Variants in SKA2 observed in about 807,000 individuals in gnomAD.
SKA2 encodes the protein spindle and kinetochore-associated protein 2.
SKA2 carries 13 observed loss-of-function variants against 16.9 expected under a neutral mutation model. The ratio of observed to expected loss-of-function variants is 0.77; its 90% confidence interval spans 0.50 to 1.22. The LOEUF is 1.22. Ranked by LOEUF, SKA2 falls within the 50% of genes most tolerant of loss-of-function variation. SKA2 has a pLI of 0.00. For synonymous variants in SKA2, 47 were observed against 48.5 expected (o/e 0.97, Z 0.13); for missense variants, 107 against 139.7 (o/e 0.77, Z 1.18).
Position 59,155,164 on chromosome 17 carries a change from G to T in SKA2, c.-1C>A. On this transcript the variant is annotated 5_prime_UTR_variant, in exon 1 of 4. Transcript: ENST00000330137. ...CCAGCTTATCGACCTCCGCCTCCATGTTGAATAGTTGACATTCCGCAGACC... is the reference window on the plus strand; with the variant it reads ...CCAGCTTATCGACCTCCGCCTCCATTTTGAATAGTTGACATTCCGCAGACC... 1.9e-6 allele frequency: 3 copies of T among 1,614,010 alleles called. No individual in the cohort carries two copies. The highest frequency in any genetic ancestry group is 2.5e-6 in the Non-Finnish European group (3 of 1,179,900).
At chr17:59,128,763 A>G (rs11654986) in intron 2 of SKA2, among the ~76,000 whole-genome samples, 96,997 of 152,032 alleles carry the variant, frequency 0.64, 31,686 homozygotes, top group African/African-American at 0.77. Flanking sequence ...GGGAGCTTGC[A>G]GGATAGCAGG....
chr17:59,151,204 A>G (rs759528408), intron 1 of SKA2: 2 of 510,866 alleles, frequency 3.9e-6, no homozygotes, highest in Non-Finnish European at 8.2e-6. Flanking sequence ...CAATAAAGTC[A>G]GAGCATTCGT....
At chr17:59,115,357 C>T (rs2046289481) in intron 3 of SKA2, among the ~76,000 whole-genome samples, 1 of 152,046 alleles carries the variant, frequency 6.6e-6, no homozygotes, top group South Asian at 2.1e-4. Context: ...CATGCCCAGT[C>T]TAAATTTAAA....
intron 1 of SKA2, among the ~76,000 whole-genome samples, chr17:59,149,315 C>T (rs927779740): frequency 1.3e-5 from 2 of 152,078 alleles, no homozygotes; most frequent in Non-Finnish European, 2.9e-5. Context: ...AGAGAACCAG[C>T]CTGGCAACAT....
rs146783645 is a variant in SKA2 at position 59,135,505 on chromosome 17, G to A, written c.34-4138C>T. On this transcript the variant is annotated intron_variant, in intron 1 of 3. Transcript: ENST00000330137. The stretch of plus-strand genomic sequence containing the variant: ...TAATTTTTACTCATTTTAGTAAAAT[G>A]GGATTTCACCATGTTGCCCAGGCTG... Among the ~76,000 whole-genome samples the A allele has an allele frequency of 3.5e-3, 525 of 151,438 alleles. 6 individuals are homozygous for A. The highest frequency in any genetic ancestry group is 0.012 in the African/African-American group (513 of 41,408).
Position 59,111,196 on chromosome 17 carries a change from A to G in SKA2, c.*1081T>C, listed in dbSNP as rs2147789007. 1 of 152,264 alleles carries G rather than the reference A, an allele frequency of 6.6e-6. No individual in the cohort carries two copies. The highest frequency in any genetic ancestry group is 2.4e-5 in the African/African-American group (1 of 41,546). 9.4% of individuals were successfully genotyped at this position (152,264 alleles called of 1,614,324 possible). A position where few individuals can be genotyped will look rare whatever the true frequency, so the allele number is the denominator to read the frequency against. On this transcript the variant is annotated 3_prime_UTR_variant, in exon 4 of 4. Transcript: ENST00000330137. ...ATCTCAGATATGACTCCAAAGCCCA[A>G]TCTTCACTACAAAACTGCAATACCT...
intron 2 of SKA2, among the ~76,000 whole-genome samples, chr17:59,126,334 T>C (rs2046372610): frequency 6.6e-6 from 1 of 152,182 alleles, no homozygotes; most frequent in South Asian, 2.1e-4. Context: ...GCAGAATTAC[T>C]GACTGCCTCC....
Position 59,112,115 on chromosome 17 carries a change from C to T in SKA2, c.*162G>A, listed in dbSNP as rs571717267. The T allele has an allele frequency of 3.3e-6, 2 of 604,332 alleles. 1 individual carries two copies. The highest frequency in any genetic ancestry group is 4.4e-5 in the South Asian group (2 of 45,580). 37.4% of individuals were successfully genotyped at this position (604,332 alleles called of 1,614,324 possible). ...TATTCATATATTATCTGCCCTTCTT[C>T]TTATAATCTCTCTCATGAAAGATAT... On this transcript the variant is annotated 3_prime_UTR_variant, in exon 4 of 4. Transcript: ENST00000330137.
intron 2 of SKA2, among the ~76,000 whole-genome samples, chr17:59,130,796 A>G (rs751825174): frequency 6.6e-6 from 1 of 152,216 alleles, no homozygotes; most frequent in Non-Finnish European, 1.5e-5. Context: ...TAATGATTTT[A>G]TGACATAAAG....
At chr17:59,117,526 C>T (rs1385701147) in intron 3 of SKA2, among the ~76,000 whole-genome samples, 1 of 152,066 alleles carries the variant, frequency 6.6e-6, no homozygotes, top group African/African-American at 2.4e-5. Context: ...ATAGTTGGAA[C>T]TACCAGCATG....
At chr17:59,126,761 C>T (rs1227122341) in intron 2 of SKA2, among the ~76,000 whole-genome samples, 2 of 152,200 alleles carry the variant, frequency 1.3e-5, no homozygotes, top group African/African-American at 4.8e-5. Flanking sequence ...AATTGCACTT[C>T]TGGGTATAAA....
chr17:59,122,915 G>A (rs924145852), intron 2 of SKA2, among the ~76,000 whole-genome samples: 22 of 150,050 alleles, frequency 1.5e-4, no homozygotes, highest in Admixed American at 1.4e-3. Context: ...GAACCACTGC[G>A]CCCAACCTTT....
chr17:59,119,205 A>C (rs1333204012), intron 3 of SKA2, 114 bp downstream of exon 3: 1 of 1,150,812 alleles, frequency 8.7e-7, no homozygotes, highest in East Asian at 2.6e-5. Context: ...AAAATCTTTC[A>C]ATAGTTCAAA....
At chr17:59,114,658 GAA>G (rs772087280) in intron 3 of SKA2, among the ~76,000 whole-genome samples, 5 of 152,148 alleles carry the variant, frequency 3.3e-5, no homozygotes, top group Non-Finnish European at 7.4e-5. Context: ...CAGATACTGA[GAA>G]AGAAAAATGG....
chr17:59,125,035 G>A lies in SKA2; in HGVS notation c.121-5540C>T, dbSNP rs185448849. On this transcript the variant is annotated intron_variant, in intron 2 of 3. Transcript: ENST00000330137. ...GTTTCCCAGGCTGGAGTGCAATGGC[G>A]GGATCTCAGCTCACCGCAACTTTCG... Among the ~76,000 whole-genome samples the A allele has an allele frequency of 2.4e-3, 361 of 151,302 alleles. 4 individuals are homozygous for A. Among genetic ancestry groups the A allele is most frequent in the African/African-American group, 8.2e-3 (338 of 41,180 alleles).
At chr17:59,124,850 A>G (rs983827151) in intron 2 of SKA2, among the ~76,000 whole-genome samples, 3 of 152,194 alleles carry the variant, frequency 2.0e-5, no homozygotes, top group East Asian at 3.8e-4. Flanking sequence ...CATGATTTGC[A>G]TTTATGGCCT....
At chr17:59,143,255 G>A (rs549860636) in intron 1 of SKA2, among the ~76,000 whole-genome samples, 1 of 150,622 alleles carries the variant, frequency 6.6e-6, no homozygotes, top group East Asian at 2.0e-4. Flanking sequence ...CCAGGCTGGA[G>A]TGCAGTGGTG....
intron 1 of SKA2, among the ~76,000 whole-genome samples, chr17:59,150,053 C>T (rs1045056338): frequency 3.3e-5 from 5 of 152,180 alleles, no homozygotes; most frequent in African/African-American, 1.2e-4. Context: ...CAGAAATGTT[C>T]TATATCCTGG....
intron 1 of SKA2, among the ~76,000 whole-genome samples, chr17:59,144,783 G>A (rs1385448109): frequency 6.6e-6 from 1 of 152,066 alleles, no homozygotes; most frequent in Non-Finnish European, 1.5e-5. Context: ...GAAAAGAGGA[G>A]TAATTGTATA....
Sources: gnomAD v4.1 joint callset for allele counts (sites outside exome capture counted in the v4.1 genomes callset) on GRCh38, gnomAD v4.1.1 for gene constraint, MANE v1.5 for transcripts, NCBI Gene and HGNC (gene_info 2026-07-23, HGNC 2026-07-21) for gene names.